Variants in ENTREP2 observed in about 807,000 individuals in gnomAD.
The protein encoded by ENTREP2 is endosomal transmembrane epsin interactor 2.
At chr15:29,533,359 GGCTCTCTGCAAAGCAGAT>G in the ENTREP2 span, among the ~76,000 whole-genome samples, 1 of 152,188 alleles carries the variant, frequency 6.6e-6, no homozygotes, top group Non-Finnish European at 1.5e-5. Flanking sequence ...ACCAGAAAGA[GGCTCTCTGCAAAGCAGAT>G]GCTGCACTTG....
At chr15:29,248,984 T>C in the ENTREP2 span, among the ~76,000 whole-genome samples, 1 of 152,260 alleles carries the variant, frequency 6.6e-6, no homozygotes, top group Admixed American at 6.5e-5. Flanking sequence ...GTTACATTCA[T>C]ACATATAGAG....
the ENTREP2 span, among the ~76,000 whole-genome samples, chr15:29,207,260 T>C: frequency 4.4e-4 from 67 of 152,274 alleles, 1 homozygote; most frequent in East Asian, 0.012. Context: ...TGGCATTGTG[T>C]CCAGAATTGG....
the ENTREP2 span, chr15:29,609,969 A>C: frequency 1.3e-3 from 191 of 150,648 alleles, 7 homozygotes; most frequent in African/African-American, 4.5e-3. Flanking sequence ...GTTAAGCACA[A>C]CTTTGGGGCT....
chr15:29,144,868 C>T, the ENTREP2 span, among the ~76,000 whole-genome samples: 1 of 151,752 alleles, frequency 6.6e-6, no homozygotes, highest in Non-Finnish European at 1.5e-5. Context: ...GGTGAAACCC[C>T]ATCTCTACTA....
At chr15:29,158,780 G>A in the ENTREP2 span, among the ~76,000 whole-genome samples, 53 of 152,112 alleles carry the variant, frequency 3.5e-4, 1 homozygote, top group South Asian at 0.011. Flanking sequence ...ATATTCTGAT[G>A]TTATTAGCTT....
chr15:29,212,003 G>C, the ENTREP2 span, among the ~76,000 whole-genome samples: 1 of 152,226 alleles, frequency 6.6e-6, no homozygotes, highest in South Asian at 2.1e-4. Context: ...AATGAATTAG[G>C]GAGGGTCTCT....
the ENTREP2 span, among the ~76,000 whole-genome samples, chr15:29,223,275 C>T: frequency 6.8e-3 from 1,031 of 152,280 alleles, 7 homozygotes; most frequent in African/African-American, 0.022. Flanking sequence ...TTCACTAGGC[C>T]GTGGGTGGCA....
chr15:29,454,748 G>A, the ENTREP2 span, among the ~76,000 whole-genome samples: 1 of 152,184 alleles, frequency 6.6e-6, no homozygotes, highest in African/African-American at 2.4e-5. Flanking sequence ...GGTCCCTGGA[G>A]ATGACGCAGC....
At chr15:29,327,343 A>G in the ENTREP2 span, among the ~76,000 whole-genome samples, 1 of 152,156 alleles carries the variant, frequency 6.6e-6, no homozygotes, top group Non-Finnish European at 1.5e-5. Flanking sequence ...TAATCCCAGC[A>G]CTTTACTTTG....
chr15:29,170,307 CAAAAAAA>C, the ENTREP2 span, among the ~76,000 whole-genome samples: 17 of 57,372 alleles, frequency 3.0e-4, no homozygotes, highest in Non-Finnish European at 2.9e-4. Flanking sequence ...GACTCCATCT[CAAAAAAA>C]AAAAAAAAAA....
At chr15:29,283,208 G>T in the ENTREP2 span, among the ~76,000 whole-genome samples, 21 of 152,314 alleles carry the variant, frequency 1.4e-4, no homozygotes, top group African/African-American at 5.1e-4. Context: ...TGAAAGAGAA[G>T]TTGCAAGGTA....
chr15:29,541,834 C>T, the ENTREP2 span, among the ~76,000 whole-genome samples: 2 of 152,154 alleles, frequency 1.3e-5, no homozygotes, highest in East Asian at 3.9e-4. Context: ...AAGGGAAGGG[C>T]TTTAAGCTGC....
chr15:29,129,361 T>C, the ENTREP2 span, among the ~76,000 whole-genome samples: 2 of 152,238 alleles, frequency 1.3e-5, no homozygotes, highest in African/African-American at 4.8e-5. Context: ...CCACCGCCCC[T>C]GGCCGAAAGC....
chr15:29,234,075 C>T, the ENTREP2 span: 589,174 of 1,491,690 alleles, frequency 0.39, 121,488 homozygotes, highest in East Asian at 0.58. Context: ...TCACTTGCTT[C>T]TTCGAACCGT....
At chr15:29,200,873 A>T in the ENTREP2 span, among the ~76,000 whole-genome samples, 2 of 152,098 alleles carry the variant, frequency 1.3e-5, no homozygotes, top group Admixed American at 6.6e-5. Context: ...GCCCAAACCC[A>T]CATATTAACT....
the ENTREP2 span, among the ~76,000 whole-genome samples, chr15:29,439,335 A>AC: frequency 9.2e-6 from 1 of 109,032 alleles, no homozygotes; most frequent in African/African-American, 3.5e-5. Context: ...ACACACACAA[A>AC]CAGTAGAGGG....
At chr15:29,251,086 A>G in the ENTREP2 span, among the ~76,000 whole-genome samples, 2 of 152,166 alleles carry the variant, frequency 1.3e-5, no homozygotes, top group East Asian at 1.9e-4. Context: ...TCCAAACAAC[A>G]TGGTCCCAAG....
At chr15:29,279,987 A>G in the ENTREP2 span, among the ~76,000 whole-genome samples, 1 of 152,150 alleles carries the variant, frequency 6.6e-6, no homozygotes, top group South Asian at 2.1e-4. Flanking sequence ...TGCTTTCCTT[A>G]GTATGAAAAA....
the ENTREP2 span, among the ~76,000 whole-genome samples, chr15:29,119,878 GGA>G: frequency 3.9e-5 from 6 of 152,158 alleles, no homozygotes; most frequent in African/African-American, 1.4e-4. Context: ...CAGGTCCCGG[GGA>G]GAGAGCCCTG....
Sources: gnomAD v4.1 joint callset for allele counts (sites outside exome capture counted in the v4.1 genomes callset) on GRCh38, gnomAD v4.1.1 for gene constraint, MANE v1.5 for transcripts, NCBI Gene and HGNC (gene_info 2026-07-23, HGNC 2026-07-21) for gene names.